Variants in PPP1R16B observed in about 807,000 individuals in gnomAD.
The protein encoded by PPP1R16B is protein phosphatase 1 regulatory inhibitor subunit 16B.
PPP1R16B carries 14 observed loss-of-function variants against 61.7 expected under a neutral mutation model. The observed-to-expected ratio is 0.23, with a 90% CI of 0.15 to 0.35. PPP1R16B has a LOEUF of 0.35. Among genes scored for constraint, PPP1R16B ranks in the 10% least tolerant of loss-of-function variants. The pLI, the probability that PPP1R16B is intolerant of heterozygous loss-of-function variation, is 1.00. For missense variants in PPP1R16B, 547 were observed against 752.5 expected (o/e 0.73, Z 3.19); for synonymous variants, 266 against 305.3 (o/e 0.87, Z 1.34).
At chr20:38,882,771 G>A (rs1219353682) in intron 2 of PPP1R16B, among the ~76,000 whole-genome samples, 2 of 152,188 alleles carry the variant, frequency 1.3e-5, no homozygotes, top group Non-Finnish European at 2.9e-5. Context: ...GGGCAATCAG[G>A]GAAGGCCTCC....
At chr20:38,851,386 A>C (rs905761545) in intron 2 of PPP1R16B, among the ~76,000 whole-genome samples, 1 of 151,816 alleles carries the variant, frequency 6.6e-6, no homozygotes. Flanking sequence ...AATTGCTTGA[A>C]TACAGGAGGT....
At chr20:38,864,625 CT>C (rs1290068085) in intron 2 of PPP1R16B, among the ~76,000 whole-genome samples, 1 of 152,194 alleles carries the variant, frequency 6.6e-6, no homozygotes, top group Non-Finnish European at 1.5e-5. Flanking sequence ...CCACCGTAAG[CT>C]GCCCCCCACT....
intron 2 of PPP1R16B, among the ~76,000 whole-genome samples, chr20:38,875,793 C>T (rs769053934): frequency 4.1e-4 from 62 of 151,730 alleles, no homozygotes; most frequent in East Asian, 7.8e-4. Flanking sequence ...AGCAGGCTCT[C>T]GGGGGAGGTT....
intron 4 of PPP1R16B, among the ~76,000 whole-genome samples, chr20:38,896,355 C>CA (rs542087300): frequency 1.6e-3 from 235 of 150,700 alleles, no homozygotes; most frequent in African/African-American, 5.6e-3. Context: ...CACTCTTTCT[C>CA]AGTCTCTCTT....
intron 2 of PPP1R16B, among the ~76,000 whole-genome samples, chr20:38,859,225 C>T (rs572528340): frequency 1.3e-5 from 2 of 152,016 alleles, no homozygotes; most frequent in Admixed American, 6.6e-5. Flanking sequence ...TGTGACAGCC[C>T]AGCACGGGTA....
At chr20:38,865,947 A>G (rs2145740905) in intron 2 of PPP1R16B, among the ~76,000 whole-genome samples, 1 of 152,066 alleles carries the variant, frequency 6.6e-6, no homozygotes, top group African/African-American at 2.4e-5. Flanking sequence ...AACATGGTGA[A>G]ACCCTGTCTC....
At chr20:38,817,380 T>C (rs1410222022) in intron 1 of PPP1R16B, among the ~76,000 whole-genome samples, 2 of 151,754 alleles carry the variant, frequency 1.3e-5, no homozygotes, top group African/African-American at 4.8e-5. Flanking sequence ...CTAGCCAACA[T>C]GGTGAAACCC....
chr20:38,859,102 G>T (rs1189319057), intron 2 of PPP1R16B, among the ~76,000 whole-genome samples: 1 of 152,172 alleles, frequency 6.6e-6, no homozygotes, highest in African/African-American at 2.4e-5. Context: ...TCAGTGGAAG[G>T]GACCAAGACC....
chr20:38,865,200 C>T (rs1331990750), intron 2 of PPP1R16B, among the ~76,000 whole-genome samples: 2 of 152,064 alleles, frequency 1.3e-5, no homozygotes, highest in African/African-American at 4.8e-5. Context: ...TACTCTGCCT[C>T]CTTGGGCCCA....
intron 1 of PPP1R16B, among the ~76,000 whole-genome samples, chr20:38,807,015 C>G (rs2084666803): frequency 6.6e-6 from 1 of 152,178 alleles, no homozygotes; most frequent in Non-Finnish European, 1.5e-5. Flanking sequence ...CCCAGCTCTC[C>G]GCGGCTCTGG....
At chr20:38,861,311 T>C (rs956096599) in intron 2 of PPP1R16B, among the ~76,000 whole-genome samples, 8 of 152,202 alleles carry the variant, frequency 5.3e-5, no homozygotes, top group African/African-American at 1.9e-4. Flanking sequence ...AACTTGGTAT[T>C]TGAGCTGGTT....
intron 2 of PPP1R16B, among the ~76,000 whole-genome samples, chr20:38,854,163 A>G (rs1225240483): frequency 1.3e-5 from 2 of 152,188 alleles, no homozygotes; most frequent in Non-Finnish European, 2.9e-5. Flanking sequence ...TGTCCCTGGA[A>G]TGTCTGAGAT....
At chr20:38,899,889 C>T (rs1458117093) in intron 4 of PPP1R16B, among the ~76,000 whole-genome samples, 5 of 151,984 alleles carry the variant, frequency 3.3e-5, no homozygotes, top group Non-Finnish European at 7.4e-5. Flanking sequence ...CTCTGCCTCC[C>T]AGTTTCAAGC....
At chr20:38,816,876 T>G (rs1335282386) in intron 1 of PPP1R16B, among the ~76,000 whole-genome samples, 1 of 152,180 alleles carries the variant, frequency 6.6e-6, no homozygotes. Flanking sequence ...CTGGTTCTGG[T>G]CCCAGGGCCC....
intron 2 of PPP1R16B, among the ~76,000 whole-genome samples, chr20:38,851,112 T>C (rs2084966065): frequency 6.6e-6 from 1 of 151,996 alleles, no homozygotes. Context: ...TACATTGTTA[T>C]TTGCAGTTGG....
chr20:38,877,268 G>C (rs1236192467), intron 2 of PPP1R16B, among the ~76,000 whole-genome samples: 2 of 151,728 alleles, frequency 1.3e-5, no homozygotes, highest in African/African-American at 4.8e-5. Flanking sequence ...GAGAATGTGT[G>C]CTGAAAATTC....
intron 2 of PPP1R16B, among the ~76,000 whole-genome samples, chr20:38,852,843 G>A (rs960819008): frequency 2.7e-5 from 4 of 145,692 alleles, no homozygotes; most frequent in Admixed American, 7.1e-5. Flanking sequence ...GCATGATCTC[G>A]GCTCACTGCA....
At chr20:38,864,534 G>C (rs1213526011) in intron 2 of PPP1R16B, among the ~76,000 whole-genome samples, 1 of 152,172 alleles carries the variant, frequency 6.6e-6, no homozygotes, top group East Asian at 1.9e-4. Context: ...CACAGAAAAG[G>C]TGAAGTAACA....
chr20:38,853,247 A>T (rs932930811), intron 2 of PPP1R16B, among the ~76,000 whole-genome samples: 2 of 152,182 alleles, frequency 1.3e-5, no homozygotes, highest in African/African-American at 4.8e-5. Flanking sequence ...ATCTTCTCAG[A>T]GTATTACATT....
Sources: allele counts gnomAD v4.1 joint callset (sites outside exome capture counted in the v4.1 genomes callset), GRCh38; gene constraint gnomAD v4.1.1; transcripts MANE v1.5; gene names NCBI Gene and HGNC (gene_info 2026-07-23, HGNC 2026-07-21).